The following MARCHF1 variants were observed in gnomAD, a reference collection of about 807,000 sequenced individuals.
MARCHF1 encodes E3 ubiquitin-protein ligase MARCHF1.
A neutral mutation model predicts 54.2 loss-of-function variants in MARCHF1; 40 were observed. The ratio of observed to expected loss-of-function variants is 0.74; its 90% CI spans 0.57 to 0.96. The LOEUF is 0.96. MARCHF1 is among the 40% of genes least tolerant of loss of function. The pLI, the probability that MARCHF1 is intolerant of heterozygous loss-of-function variation, is 0.00. For missense variants in MARCHF1, 586 were observed against 656.5 expected (o/e 0.89, Z 1.17); for synonymous variants, 236 against 236.3 (o/e 1.00, Z 0.01).
At chr4:164,148,449 T>A (rs1201005957) in intron 1 of MARCHF1, among the ~76,000 whole-genome samples, 1 of 152,124 alleles carries the variant, frequency 6.6e-6, no homozygotes, top group Non-Finnish European at 1.5e-5. Context: ...GTTCTCTTAA[T>A]TAATCTTTAT....
intron 4 of MARCHF1, among the ~76,000 whole-genome samples, chr4:163,703,660 G>A (rs866545065): frequency 5.9e-5 from 9 of 152,220 alleles, no homozygotes; most frequent in African/African-American, 9.6e-5. Context: ...ACAAGTCTGC[G>A]TGGAATGGAG....
At chr4:163,640,249 T>G (rs556835140) in intron 5 of MARCHF1, among the ~76,000 whole-genome samples, 2 of 152,116 alleles carry the variant, frequency 1.3e-5, no homozygotes, top group African/African-American at 4.8e-5. Context: ...CAGATAATAC[T>G]CTATAAATAC....
At chr4:164,096,829 G>A (rs538722380) in intron 2 of MARCHF1, among the ~76,000 whole-genome samples, 1 of 152,180 alleles carries the variant, frequency 6.6e-6, no homozygotes, top group African/African-American at 2.4e-5. Flanking sequence ...TTAGCCATAA[G>A]TATCATATAA....
At chr4:163,889,718 C>A (rs1750612524) in intron 3 of MARCHF1, among the ~76,000 whole-genome samples, 1 of 152,014 alleles carries the variant, frequency 6.6e-6, no homozygotes, top group Admixed American at 6.6e-5. Flanking sequence ...CCTTTTCTGA[C>A]ATATTTTACA....
intron 7 of MARCHF1, among the ~76,000 whole-genome samples, chr4:163,590,904 A>G (rs954219253): frequency 2.0e-5 from 3 of 151,874 alleles, no homozygotes; most frequent in South Asian, 2.1e-4. Context: ...AATCAGCATT[A>G]TATTTGTAGT....
At chr4:163,984,478 T>C (rs1247898971) in intron 3 of MARCHF1, among the ~76,000 whole-genome samples, 1 of 152,192 alleles carries the variant, frequency 6.6e-6, no homozygotes, top group Non-Finnish European at 1.5e-5. Context: ...TGTGAAAGAA[T>C]ATAGCAGCAT....
chr4:163,889,919 C>CTTTTTTTTTTT (rs146357456), intron 3 of MARCHF1, among the ~76,000 whole-genome samples: 10 of 117,238 alleles, frequency 8.5e-5, no homozygotes, highest in East Asian at 7.5e-4. Flanking sequence ...TATTTATTTT[C>CTTTTTTTTTTT]TTTTTTCTTT....
chr4:163,557,567 T>G (rs1239297647), intron 8 of MARCHF1, among the ~76,000 whole-genome samples: 1 of 152,220 alleles, frequency 6.6e-6, no homozygotes, highest in Non-Finnish European at 1.5e-5. Flanking sequence ...TTTTTCACAT[T>G]CTAGAACAGT....
At chr4:163,999,172 C>T (rs190887620) in intron 2 of MARCHF1, among the ~76,000 whole-genome samples, 4 of 151,364 alleles carry the variant, frequency 2.6e-5, no homozygotes, top group Admixed American at 6.6e-5. Context: ...CCTCATTAGC[C>T]ATTACCCAAT....
chr4:164,207,947 G>A (rs1731657368), intron 1 of MARCHF1, among the ~76,000 whole-genome samples: 1 of 151,916 alleles, frequency 6.6e-6, no homozygotes, highest in Admixed American at 6.6e-5. Flanking sequence ...TAACAAACCT[G>A]CACATGTACC....
At chr4:164,094,482 C>T (rs1325050656) in intron 2 of MARCHF1, among the ~76,000 whole-genome samples, 1 of 152,120 alleles carries the variant, frequency 6.6e-6, no homozygotes, top group African/African-American at 2.4e-5. Context: ...CAGTGGATAT[C>T]AGTGGCCATG....
chr4:163,810,496 C>G (rs1748354176), intron 4 of MARCHF1, among the ~76,000 whole-genome samples: 1 of 152,158 alleles, frequency 6.6e-6, no homozygotes. Context: ...GAATCTATCT[C>G]TTCCTCCCTA....
At chr4:163,728,217 C>G (rs937633061) in intron 4 of MARCHF1, among the ~76,000 whole-genome samples, 1 of 152,198 alleles carries the variant, frequency 6.6e-6, no homozygotes, top group South Asian at 2.1e-4. Context: ...TTATCACCCC[C>G]TTTTTTTATT....
At chr4:164,378,210 G>T (rs1022621110) in intron 1 of MARCHF1, among the ~76,000 whole-genome samples, 6 of 152,216 alleles carry the variant, frequency 3.9e-5, no homozygotes, top group African/African-American at 1.4e-4. Context: ...GACAGTGAGA[G>T]ACTAAGAATA....
chr4:163,621,440 A>G (rs1741693701), intron 5 of MARCHF1, among the ~76,000 whole-genome samples: 1 of 152,210 alleles, frequency 6.6e-6, no homozygotes. Flanking sequence ...ATCCAGAGTT[A>G]GAAACCACTG....
At chr4:164,041,863 G>T (rs1260329727) in intron 2 of MARCHF1, among the ~76,000 whole-genome samples, 1 of 152,014 alleles carries the variant, frequency 6.6e-6, no homozygotes, top group Non-Finnish European at 1.5e-5. Context: ...TCTCTTTGTA[G>T]CTATCATAGA....
intron 4 of MARCHF1, among the ~76,000 whole-genome samples, chr4:163,726,030 A>G (rs1745642287): frequency 6.6e-6 from 1 of 152,108 alleles, no homozygotes; most frequent in South Asian, 2.1e-4. Context: ...TTAGGTATAG[A>G]GATTTCCCTT....
At chr4:164,243,439 G>A (rs1156815958) in intron 1 of MARCHF1, among the ~76,000 whole-genome samples, 5 of 151,766 alleles carry the variant, frequency 3.3e-5, no homozygotes, top group Non-Finnish European at 5.9e-5. Context: ...GAGAGATTTT[G>A]TCACCACCAG....
intron 2 of MARCHF1, among the ~76,000 whole-genome samples, chr4:164,071,743 T>C (rs1754871217): frequency 6.6e-6 from 1 of 152,168 alleles, no homozygotes. Flanking sequence ...GTGGTAAACT[T>C]TGCTTTTAAA....
Sources: allele counts gnomAD v4.1 joint callset (sites outside exome capture counted in the v4.1 genomes callset), GRCh38; gene constraint gnomAD v4.1.1; transcripts MANE v1.5; gene names NCBI Gene and HGNC (gene_info 2026-07-23, HGNC 2026-07-21).